Variants in NTM observed in about 807,000 individuals in gnomAD.
NTM encodes the protein IgLON family member 2.
NTM carries 13 observed loss-of-function variants against 42.1 expected under a neutral mutation model. That is an observed-to-expected ratio of 0.31 (90% CI 0.20 to 0.49). NTM has a LOEUF of 0.49. Among genes scored for constraint, NTM ranks in the 20% least tolerant of loss-of-function variants. The pLI, the probability that NTM is intolerant of heterozygous loss-of-function variation, is 0.99. For synonymous variants in NTM, 187 were observed against 179.2 expected, an observed-to-expected ratio of 1.04 and a Z score of -0.35; for missense variants, 373 against 452.8, an observed-to-expected ratio of 0.82 and a Z score of 1.60.
At chr11:132,305,275 T>A (rs920860925) in intron 4 of NTM, among the ~76,000 whole-genome samples, 1 of 152,174 alleles carries the variant, frequency 6.6e-6, no homozygotes, top group African/African-American at 2.4e-5. Context: ...GCACAAGAGA[T>A]CCAGAGAACC....
In NTM at chr11:131,605,376, G is replaced by A. The variant is rs112520444; in HGVS notation, c.82+234488G>A. ...GATTGTTAATTGCTAGTGTAGAAAAGTGTGATTTATTTTTGTATATTTATT... is the reference window on the plus strand; with the variant it reads ...GATTGTTAATTGCTAGTGTAGAAAAATGTGATTTATTTTTGTATATTTATT... On this transcript the variant is annotated intron_variant, in intron 1 of 8. Transcript: ENST00000683400. Among the ~76,000 whole-genome samples, 151 of 152,252 alleles carry A rather than the reference G, an allele frequency of 9.9e-4. 2 individuals are homozygous for A. Among genetic ancestry groups the A allele is most frequent in the African/African-American group, 3.4e-3 (142 of 41,554 alleles).
intron 1 of NTM, among the ~76,000 whole-genome samples, chr11:131,719,575 A>G (rs1215391011): frequency 6.6e-6 from 1 of 152,178 alleles, no homozygotes; most frequent in Admixed American, 6.5e-5. Flanking sequence ...AAGTCAGAGA[A>G]ATATTGACTT....
In NTM at chr11:131,877,059, A is replaced by G. The variant is rs148435567; in HGVS notation, c.83-34505A>G. Among the ~76,000 whole-genome samples the G allele has an allele frequency of 3.6e-3, 546 of 152,252 alleles. 7 individuals are homozygous for G. Among genetic ancestry groups the G allele is most frequent in the African/African-American group, 0.012 (515 of 41,552 alleles). On this transcript the variant is annotated intron_variant, in intron 1 of 8. Transcript: ENST00000683400. ...TTTTTAGTAGAGATGGGGTTTCTCC[A>G]TGCTGTCCAGGCTGGTCTTGAACTC...
At chr11:132,044,546 A>G (rs372883220) in intron 2 of NTM, among the ~76,000 whole-genome samples, 1 of 152,026 alleles carries the variant, frequency 6.6e-6, no homozygotes, top group Non-Finnish European at 1.5e-5. Flanking sequence ...GAGTCCATAT[A>G]TTTTCTTATT....
chr11:131,886,480 G>C (rs183231157), intron 1 of NTM, among the ~76,000 whole-genome samples: 120 of 152,372 alleles, frequency 7.9e-4, no homozygotes, highest in African/African-American at 2.7e-3. Context: ...CCAGTCCTGA[G>C]TTGAGTCACT....
At chr11:131,443,572 A>G (rs907739551) in intron 1 of NTM, among the ~76,000 whole-genome samples, 1 of 152,042 alleles carries the variant, frequency 6.6e-6, no homozygotes, top group African/African-American at 2.4e-5. Flanking sequence ...GTGGTAGGTC[A>G]CCCCTAAGAC....
intron 1 of NTM, among the ~76,000 whole-genome samples, chr11:131,887,116 TC>T (rs1196143569): frequency 1.3e-5 from 2 of 152,196 alleles, no homozygotes; most frequent in Non-Finnish European, 2.9e-5. Context: ...CTTGAAATGT[TC>T]TAACAGATTA....
chr11:132,021,473 G>T (rs1230108543), intron 2 of NTM, among the ~76,000 whole-genome samples: 2 of 151,918 alleles, frequency 1.3e-5, no homozygotes, highest in African/African-American at 2.4e-5. Context: ...GCACGTTTTA[G>T]AAAATATATT....
rs1030546709 is a variant in NTM at position 131,447,018 on chromosome 11, A to G, written c.82+76130A>G. On this transcript the variant is annotated intron_variant, in intron 1 of 8. Transcript: ENST00000683400. ...ATGGAATATGCATATGACTGTGTTA[A>G]GACACACCAAAGCTGGAAATTATTT... 5.9e-5 allele frequency among the ~76,000 whole-genome samples: 8 copies of G among 134,690 alleles called. No individual in the cohort carries two copies. In the East Asian group the frequency reaches 2.0e-3, roughly 33 times the overall value. The allele number at this position is 134,690 out of a possible 152,430, so 88.4% of individuals were successfully genotyped here.
chr11:132,037,107 G>T (rs560131502), intron 2 of NTM, among the ~76,000 whole-genome samples: 9 of 152,268 alleles, frequency 5.9e-5, no homozygotes, highest in Middle Eastern at 3.4e-3. Flanking sequence ...GATGTTGGAG[G>T]TAGGGCCTAA....
At chr11:131,813,150 G>A (rs2092808444) in intron 1 of NTM, among the ~76,000 whole-genome samples, 1 of 152,184 alleles carries the variant, frequency 6.6e-6, no homozygotes, top group South Asian at 2.1e-4. Context: ...GTCATTCAGC[G>A]TGTAGTGCTA....
At chr11:132,303,123 G>A (rs1004169322) in intron 4 of NTM, among the ~76,000 whole-genome samples, 4 of 152,196 alleles carry the variant, frequency 2.6e-5, no homozygotes, top group African/African-American at 9.7e-5. Flanking sequence ...TGAACTGAAT[G>A]TGCAACAATA....
chr11:132,286,229 CATAAA>C (rs1357103714), intron 4 of NTM, among the ~76,000 whole-genome samples: 1 of 151,962 alleles, frequency 6.6e-6, no homozygotes, highest in Non-Finnish European at 1.5e-5. Flanking sequence ...TTATCAGGAA[CATAAA>C]ATAAGAGACT....
intron 2 of NTM, among the ~76,000 whole-genome samples, chr11:131,962,531 G>A (rs957627573): frequency 2.0e-5 from 3 of 152,220 alleles, no homozygotes; most frequent in African/African-American, 7.2e-5. Context: ...CAGCCATCAG[G>A]AAACCAGGAG....
intron 1 of NTM, among the ~76,000 whole-genome samples, chr11:131,800,693 C>T (rs1481867784): frequency 6.6e-6 from 1 of 152,190 alleles, no homozygotes; most frequent in East Asian, 1.9e-4. Context: ...GTTCCATCCT[C>T]TTCCTTCTCC....
At chr11:131,584,631 GA>G in intron 1 of NTM, among the ~76,000 whole-genome samples, 2 of 152,308 alleles carry the variant, frequency 1.3e-5, no homozygotes, top group South Asian at 4.1e-4. Context: ...TTTTTTATTT[GA>G]AAAATGATGT....
chr11:131,778,878 T>C (rs1422668891), intron 1 of NTM, among the ~76,000 whole-genome samples: 9 of 152,232 alleles, frequency 5.9e-5, no homozygotes, highest in Non-Finnish European at 1.3e-4. Flanking sequence ...TAGGATGGGA[T>C]AGTCTATCAT....
At chr11:131,466,760 AG>A (rs1249441434) in intron 1 of NTM, among the ~76,000 whole-genome samples, 2 of 152,380 alleles carry the variant, frequency 1.3e-5, no homozygotes, top group Non-Finnish European at 1.5e-5. Flanking sequence ...AATAGAATCA[AG>A]TATATAACTA....
chr11:132,004,254 ATT>A (rs1434622307), intron 2 of NTM, among the ~76,000 whole-genome samples: 1 of 152,200 alleles, frequency 6.6e-6, no homozygotes, highest in Non-Finnish European at 1.5e-5. Context: ...GAAAATGTGA[ATT>A]ATATATATTC....
Sources: gnomAD v4.1 joint callset for allele counts (sites outside exome capture counted in the v4.1 genomes callset) on GRCh38, gnomAD v4.1.1 for gene constraint, MANE v1.5 for transcripts, NCBI Gene and HGNC (gene_info 2026-07-23, HGNC 2026-07-21) for gene names.